Variants in LRMDA observed in about 807,000 individuals in gnomAD.
LRMDA encodes leucine rich melanocyte differentiation associated.
A neutral mutation model predicts 29.8 loss-of-function variants in LRMDA; 18 were observed. The observed-to-expected ratio is 0.60, with a 90% CI of 0.42 to 0.90. The LOEUF (loss-of-function observed/expected upper bound fraction) is 0.90. Among genes scored for constraint, LRMDA ranks in the 40% least tolerant of loss-of-function variants. The probability of loss-of-function intolerance (pLI) is 0.00; values close to 1 mark genes in which losing one functional copy is unlikely to be tolerated. For synonymous variants in LRMDA, 125 were observed against 109.4 expected, an observed-to-expected ratio of 1.14 and a Z score of -0.89; for missense variants, 273 against 273.9, an observed-to-expected ratio of 1.00 and a Z score of 0.02.
intron 2 of LRMDA, among the ~76,000 whole-genome samples, chr10:76,030,483 A>G (rs1359577972): frequency 6.6e-6 from 1 of 152,230 alleles, no homozygotes; most frequent in Non-Finnish European, 1.5e-5. Flanking sequence ...TATCTCTTAC[A>G]GGACTAGGTA....
chr10:76,025,967 A>G (rs2132496190), intron 2 of LRMDA, among the ~76,000 whole-genome samples: 1 of 152,296 alleles, frequency 6.6e-6, no homozygotes, highest in East Asian at 1.9e-4. Context: ...CACTCAATAC[A>G]TTTTTATAAA....
At chr10:76,336,353 GC>G in intron 6 of LRMDA, among the ~76,000 whole-genome samples, 1 of 152,322 alleles carries the variant, frequency 6.6e-6, no homozygotes. Flanking sequence ...AACTTCAGTT[GC>G]CAGAGGAGTT....
chr10:76,305,879 AT>A (rs1840549047), intron 5 of LRMDA, among the ~76,000 whole-genome samples: 1 of 152,188 alleles, frequency 6.6e-6, no homozygotes, highest in Non-Finnish European at 1.5e-5. Context: ...TTTACAGAAA[AT>A]TTTGAAAAAA....
chr10:75,923,084 AAC>A (rs1294055298), intron 2 of LRMDA, among the ~76,000 whole-genome samples: 2 of 152,198 alleles, frequency 1.3e-5, no homozygotes, highest in Admixed American at 1.3e-4. Flanking sequence ...CTGAACCTGA[AAC>A]ACACTCTGCC....
intron 5 of LRMDA, among the ~76,000 whole-genome samples, chr10:76,121,226 TAGAA>T (rs781092820): frequency 1.1e-4 from 16 of 150,842 alleles, no homozygotes; most frequent in Non-Finnish European, 2.1e-4. Flanking sequence ...CAGGGGTGAG[TAGAA>T]AGAAAGAGGA....
intron 5 of LRMDA, among the ~76,000 whole-genome samples, chr10:76,076,435 G>T (rs1205451066): frequency 2.0e-5 from 3 of 148,502 alleles, no homozygotes; most frequent in Non-Finnish European, 4.5e-5. Flanking sequence ...TAATTTTTCT[G>T]CATATTTTGT....
chr10:75,677,542 A>C (rs2132149445), intron 2 of LRMDA, among the ~76,000 whole-genome samples: 1 of 152,288 alleles, frequency 6.6e-6, no homozygotes, highest in South Asian at 2.1e-4. Flanking sequence ...GAGATACCTA[A>C]AAAAATGTGT....
At chr10:76,465,264 G>T (rs1842552985) in intron 6 of LRMDA, among the ~76,000 whole-genome samples, 1 of 152,166 alleles carries the variant, frequency 6.6e-6, no homozygotes, top group African/African-American at 2.4e-5. Context: ...TGAGCTCCAA[G>T]AAATAAAAGA....
intron 5 of LRMDA, among the ~76,000 whole-genome samples, chr10:76,106,297 A>G (rs1849483389): frequency 2.0e-5 from 3 of 152,170 alleles, no homozygotes; most frequent in Non-Finnish European, 4.4e-5. Flanking sequence ...TTTGCAGTAG[A>G]AACTTAAACT....
At chr10:76,061,505 C>G (rs544343287) in intron 5 of LRMDA, among the ~76,000 whole-genome samples, 1 of 152,128 alleles carries the variant, frequency 6.6e-6, no homozygotes, top group Non-Finnish European at 1.5e-5. Context: ...TGCATATTTA[C>G]CCCCAAACCT....
chr10:76,166,975 G>A (rs544845822), intron 5 of LRMDA, among the ~76,000 whole-genome samples: 19 of 151,680 alleles, frequency 1.3e-4, no homozygotes, highest in South Asian at 6.2e-4. Context: ...TTGTTTGTTC[G>A]TTTGACTTTT....
intron 2 of LRMDA, among the ~76,000 whole-genome samples, chr10:76,014,106 G>GTATATATATATATATATAAT (rs1241824753): frequency 3.5e-4 from 26 of 73,248 alleles, no homozygotes; most frequent in East Asian, 1.1e-3. Context: ...AAAAAAAAAA[G>GTATATATATATATATATAAT]TATATATATA....
intron 6 of LRMDA, among the ~76,000 whole-genome samples, chr10:76,453,227 T>G (rs1324541433): frequency 6.6e-6 from 1 of 152,196 alleles, no homozygotes; most frequent in Non-Finnish European, 1.5e-5. Context: ...TTAATCAGGC[T>G]AAATATGCTG....
chr10:76,474,622 A>T (rs148244396), intron 6 of LRMDA, among the ~76,000 whole-genome samples: 191 of 151,884 alleles, frequency 1.3e-3, no homozygotes, highest in Non-Finnish European at 2.4e-3. Context: ...ACACACCACC[A>T]GAGGCTCAAC....
At chr10:75,804,386 T>A (rs1017557315) in intron 2 of LRMDA, among the ~76,000 whole-genome samples, 2 of 152,196 alleles carry the variant, frequency 1.3e-5, no homozygotes, top group South Asian at 2.1e-4. Flanking sequence ...GGCGATGTGA[T>A]TTATGTGATC....
rs1163542082 is a variant in LRMDA, at chr10:75,688,238, A to ATCCAG, written c.131+249744_131+249745insTCCAG. Among the ~76,000 whole-genome samples the ATCCAG allele has an allele frequency of 3.0e-4, 46 of 152,360 alleles. No individual in the cohort carries two copies. The East Asian group carries it at 8.1e-3, about 27-fold the overall frequency. ...CTGATGGATCTGTCAAAGTAAATTG[A>ATCCAG]AAACCTTCTGGAAAGGATTCACCAT... On this transcript the variant is annotated intron_variant, in intron 2 of 6. Transcript: ENST00000611255.
At chr10:76,363,236 AAAG>A (rs1841346633) in intron 6 of LRMDA, among the ~76,000 whole-genome samples, 1 of 61,692 alleles carries the variant, frequency 1.6e-5, no homozygotes, top group African/African-American at 6.8e-5. Flanking sequence ...AGAAAGAAAG[AAAG>A]AAAGAAAGAA....
At chr10:75,478,733 G>A (rs570510967) in intron 2 of LRMDA, among the ~76,000 whole-genome samples, 19 of 152,234 alleles carry the variant, frequency 1.2e-4, no homozygotes, top group Admixed American at 6.5e-4. Context: ...AAGGATTTCC[G>A]TGGAAATTGG....
intron 6 of LRMDA, among the ~76,000 whole-genome samples, chr10:76,470,982 AAAT>A (rs1282594788): frequency 6.6e-6 from 1 of 151,934 alleles, no homozygotes; most frequent in Non-Finnish European, 1.5e-5. Context: ...CAATTATATA[AAAT>A]AATATGTATG....
Sources: allele counts gnomAD v4.1 joint callset (sites outside exome capture counted in the v4.1 genomes callset), GRCh38; gene constraint gnomAD v4.1.1; transcripts MANE v1.5; gene names NCBI Gene and HGNC (gene_info 2026-07-23, HGNC 2026-07-21).